Variants in CDS1 observed in about 807,000 individuals in gnomAD.
The protein encoded by CDS1 is phosphatidate cytidylyltransferase 1.
A neutral mutation model predicts 62.1 loss-of-function variants in CDS1; 41 were observed. The ratio of observed to expected loss-of-function variants is 0.66; its 90% CI spans 0.51 to 0.86. The LOEUF is 0.86. Among genes scored for constraint, CDS1 ranks in the 40% least tolerant of loss-of-function variants. CDS1 has a pLI of 0.00. For missense variants in CDS1, 470 were observed against 550.1 expected, an observed-to-expected ratio of 0.85 and a Z score of 1.46; for synonymous variants, 185 against 192.6, an observed-to-expected ratio of 0.96 and a Z score of 0.32.
At chr4:84,606,691 T>A (rs529185196) in intron 2 of CDS1, among the ~76,000 whole-genome samples, 2 of 151,874 alleles carry the variant, frequency 1.3e-5, no homozygotes, top group East Asian at 3.9e-4. Context: ...TTCCCTTACT[T>A]TTTTTTTAAA....
chr4:84,640,271 A>G (rs968740325), intron 9 of CDS1, among the ~76,000 whole-genome samples: 4 of 151,312 alleles, frequency 2.6e-5, no homozygotes, highest in Non-Finnish European at 5.9e-5. Context: ...GAGCAGAATA[A>G]TAGGGTGAAT....
At chr4:84,606,293 T>C (rs1443264692) in intron 2 of CDS1, among the ~76,000 whole-genome samples, 2 of 126,440 alleles carry the variant, frequency 1.6e-5, no homozygotes, top group Non-Finnish European at 3.2e-5. Context: ...CTTTGAGGCT[T>C]TTTTCTTGTG....
intron 5 of CDS1, among the ~76,000 whole-genome samples, chr4:84,630,845 A>G (rs566576117): frequency 2.0e-5 from 3 of 152,310 alleles, no homozygotes; most frequent in Admixed American, 6.5e-5. Flanking sequence ...GAATGCATAC[A>G]TAGCCATTTA....
intron 1 of CDS1, among the ~76,000 whole-genome samples, chr4:84,584,686 T>G (rs375551075): frequency 6.6e-6 from 1 of 152,302 alleles, no homozygotes; most frequent in East Asian, 1.9e-4. Flanking sequence ...TATCACGAAA[T>G]AAACGTAAAC....
intron 1 of CDS1, among the ~76,000 whole-genome samples, 188 bp downstream of exon 1, chr4:84,583,706 G>A (rs1722329701): frequency 6.6e-6 from 1 of 152,066 alleles, no homozygotes; most frequent in Admixed American, 6.5e-5. Context: ...TCCCAGTGGC[G>A]GTGAGGTTCC....
chr4:84,623,536 A>G (rs963054277), intron 5 of CDS1, among the ~76,000 whole-genome samples: 2 of 152,080 alleles, frequency 1.3e-5, no homozygotes, highest in Non-Finnish European at 2.9e-5. Flanking sequence ...CAAATTTTGT[A>G]GACATGTTTC....
chr4:84,648,624 TATAAAACCCTG>T lies in CDS1; in HGVS notation c.1326_1336del (p.Tyr442Ter). ...TCAACCTGAACAGCAGTTAAATATA[TATAAAACCCTG>T]AAGACTCATCTCATTGAGAAAGGAA... On this transcript the variant is annotated frameshift_variant, in exon 13 of 13. Transcript: ENST00000295887. LOFTEE classifies it high-confidence loss of function. The T allele has an allele frequency of 6.2e-7, 1 of 1,613,838 alleles. No homozygotes were observed. Among genetic ancestry groups the T allele is most frequent in the Non-Finnish European group, 8.5e-7 (1 of 1,179,822 alleles).
Position 84,648,812 on chromosome 4 carries a change from C to T in CDS1, c.*126C>T. ...GTTGAAGTTTTGGAGATATGTTTCTCTCTGAAATTACTGTGAATATTTAAC... is the reference window on the plus strand; with the variant it reads ...GTTGAAGTTTTGGAGATATGTTTCTTTCTGAAATTACTGTGAATATTTAAC... On this transcript the variant is annotated 3_prime_UTR_variant, in exon 13 of 13. Coordinates refer to ENST00000295887, the MANE Select transcript of CDS1 (RefSeq NM_001263.4). 1.1e-6 allele frequency: 1 copy of T among 876,792 alleles called. No individual in the cohort carries two copies. The allele number at this position is 876,792 out of a possible 1,614,324, so 54.3% of individuals were successfully genotyped here.
At chr4:84,606,356 G>A (rs1281002121) in intron 2 of CDS1, among the ~76,000 whole-genome samples, 1 of 151,638 alleles carries the variant, frequency 6.6e-6, no homozygotes, top group Non-Finnish European at 1.5e-5. Context: ...ATGGATGTGT[G>A]TAAAGCAAAA....
At chr4:84,606,530 G>C (rs1723099873) in intron 2 of CDS1, among the ~76,000 whole-genome samples, 1 of 151,996 alleles carries the variant, frequency 6.6e-6, no homozygotes, top group African/African-American at 2.4e-5. Flanking sequence ...ACCACCTATT[G>C]CTGGGCATTT....
At chr4:84,636,897 A>G (rs1724229719) in intron 8 of CDS1, among the ~76,000 whole-genome samples, 1 of 152,190 alleles carries the variant, frequency 6.6e-6, no homozygotes, top group South Asian at 2.1e-4. Flanking sequence ...GTTTTTAATA[A>G]TGTTCTCACA....
chr4:84,617,484 A>G (rs977008588), intron 3 of CDS1, 80 bp from the exon 4 acceptor site: 1 of 748,318 alleles, frequency 1.3e-6, no homozygotes, highest in Non-Finnish European at 2.3e-6. Context: ...TTAAATACAT[A>G]TGACAAACTG....
At chr4:84,599,393 GAC>G (rs372134066) in intron 1 of CDS1, among the ~76,000 whole-genome samples, 4,856 of 51,736 alleles carry the variant, frequency 0.094, 259 homozygotes, top group East Asian at 0.14. Context: ...GGCAAATTTT[GAC>G]ACACACACAC....
chr4:84,610,458 A>G (rs990629308), intron 3 of CDS1, among the ~76,000 whole-genome samples: 2 of 152,226 alleles, frequency 1.3e-5, no homozygotes, highest in African/African-American at 2.4e-5. Context: ...TCAGTAAGTC[A>G]GGAAGCCAAA....
intron 1 of CDS1, among the ~76,000 whole-genome samples, chr4:84,599,247 C>T (rs939607033): frequency 1.3e-5 from 2 of 151,890 alleles, no homozygotes; most frequent in African/African-American, 4.8e-5. Flanking sequence ...TGTGAGTCTC[C>T]ACCCTAATTA....
chr4:84,613,966 A>G (rs1172659539), intron 3 of CDS1, among the ~76,000 whole-genome samples: 2 of 152,214 alleles, frequency 1.3e-5, no homozygotes, highest in Non-Finnish European at 2.9e-5. Flanking sequence ...AAAAATAATC[A>G]TTCCAACCCT....
In CDS1 at chr4:84,604,223, A is replaced by G. The variant is rs1437471926; in HGVS notation, c.118-20A>G. ...TTTTTAAACGTGATTTTGCAAAGTA[A>G]TTTGTCTTTTTAATTTTAGGAAACA... is the stretch of plus-strand genomic sequence containing the variant. On this transcript the variant is annotated intron_variant, in intron 1 of 12. Transcript: ENST00000295887. The G allele has an allele frequency of 1.2e-6, 2 of 1,603,232 alleles. No individual in the cohort carries two copies. Among genetic ancestry groups the G allele is most frequent in the South Asian group, 2.3e-5 (2 of 88,846 alleles).
chr4:84,606,370 A>T (rs1723096221), intron 2 of CDS1, among the ~76,000 whole-genome samples: 1 of 151,754 alleles, frequency 6.6e-6, no homozygotes, highest in African/African-American at 2.4e-5. Context: ...AGCAAAAATG[A>T]GATTGTACTG....
At chr4:84,609,134 A>T (rs189685852) in intron 2 of CDS1, among the ~76,000 whole-genome samples, 33 of 147,348 alleles carry the variant, frequency 2.2e-4, no homozygotes, top group African/African-American at 8.4e-4. Context: ...AGCCGAGATC[A>T]CGCCACTGCA....
Sources: gnomAD v4.1 joint callset for allele counts (sites outside exome capture counted in the v4.1 genomes callset) on GRCh38, gnomAD v4.1.1 for gene constraint, MANE v1.5 for transcripts, NCBI Gene and HGNC (gene_info 2026-07-23, HGNC 2026-07-21) for gene names.